CCDC60: variants seen among roughly 807,000 people sequenced by gnomAD.
The protein encoded by CCDC60 is coiled-coil domain containing 60.
CCDC60 carries 54 observed loss-of-function variants against 63.5 expected under a neutral mutation model. The observed-to-expected ratio is 0.85, with a 90% CI of 0.68 to 1.07. The LOEUF is 1.07. CCDC60 is among the 50% of genes least tolerant of loss of function. CCDC60 has a pLI of 0.00. For missense variants in CCDC60, 651 were observed against 684.3 expected, an observed-to-expected ratio of 0.95 and a Z score of 0.54; for synonymous variants, 206 against 238.8, an observed-to-expected ratio of 0.86 and a Z score of 1.27.
intron 1 of CCDC60, among the ~76,000 whole-genome samples, chr12:119,408,670 C>T (rs1956537915): frequency 6.6e-6 from 1 of 151,884 alleles, no homozygotes; most frequent in Non-Finnish European, 1.5e-5. Flanking sequence ...AAAAAAAATA[C>T]AAAAAATTAG....
intron 7 of CCDC60, among the ~76,000 whole-genome samples, chr12:119,510,621 T>G (rs778644761): frequency 7.2e-5 from 11 of 152,188 alleles, no homozygotes; most frequent in Non-Finnish European, 5.9e-5. Context: ...AAAAGCTTAT[T>G]TTTTGTACAG....
intron 1 of CCDC60, among the ~76,000 whole-genome samples, chr12:119,360,910 G>C (rs1168085927): frequency 1.3e-5 from 2 of 152,152 alleles, no homozygotes; most frequent in African/African-American, 4.8e-5. Context: ...GAGGCTGGCG[G>C]ATCACTCGCG....
At chr12:119,371,077 G>GCCCTGGA (rs1352841896) in intron 1 of CCDC60, among the ~76,000 whole-genome samples, 1 of 152,064 alleles carries the variant, frequency 6.6e-6, no homozygotes, top group Non-Finnish European at 1.5e-5. Flanking sequence ...ATCACCCTGG[G>GCCCTGGA]CCCTGGACCC....
At chr12:119,438,899 T>C (rs1049571828) in intron 2 of CCDC60, among the ~76,000 whole-genome samples, 33 of 152,036 alleles carry the variant, frequency 2.2e-4, no homozygotes, top group African/African-American at 8.0e-4. Context: ...TGAGATAATG[T>C]ACATAAAAAC....
At chr12:119,493,561 A>G (rs561821919) in intron 5 of CCDC60, among the ~76,000 whole-genome samples, 2 of 152,170 alleles carry the variant, frequency 1.3e-5, no homozygotes, top group African/African-American at 2.4e-5. Context: ...CAACTTCCCA[A>G]TTTCATCATG....
intron 1 of CCDC60, among the ~76,000 whole-genome samples, chr12:119,407,930 A>G (rs184210171): frequency 1.4e-3 from 211 of 152,348 alleles, no homozygotes; most frequent in Non-Finnish European, 2.7e-3. Context: ...TTTACAACCA[A>G]GTCATGCCCA....
intron 2 of CCDC60, among the ~76,000 whole-genome samples, chr12:119,458,377 G>A (rs550081827): frequency 6.6e-6 from 1 of 152,288 alleles, no homozygotes; most frequent in Non-Finnish European, 1.5e-5. Flanking sequence ...GCTGGAAAAT[G>A]TAAGTGAAAA....
chr12:119,469,563 T>C (rs1022683976), intron 2 of CCDC60, among the ~76,000 whole-genome samples: 2 of 152,186 alleles, frequency 1.3e-5, no homozygotes, highest in African/African-American at 4.8e-5. Flanking sequence ...CCAAGCCTAC[T>C]TCCTTGATTT....
intron 1 of CCDC60, among the ~76,000 whole-genome samples, chr12:119,398,004 GAT>G (rs1956302825): frequency 2.5e-5 from 1 of 40,078 alleles, no homozygotes; most frequent in African/African-American, 1.1e-4. Context: ...GGTGTGGGGG[GAT>G]GGGAGGAAGG....
intron 1 of CCDC60, among the ~76,000 whole-genome samples, chr12:119,390,454 A>C (rs1285510254): frequency 6.6e-6 from 1 of 152,228 alleles, no homozygotes; most frequent in Non-Finnish European, 1.5e-5. Flanking sequence ...TTACAGTCAC[A>C]GCCCCAGTGC....
chr12:119,418,690 C>T (rs989484071), intron 1 of CCDC60, among the ~76,000 whole-genome samples: 3 of 152,106 alleles, frequency 2.0e-5, no homozygotes, highest in African/African-American at 7.2e-5. Context: ...GCTGGGATTA[C>T]AGGCGTGAGC....
chr12:119,414,918 C>A (rs1301534348), intron 1 of CCDC60, among the ~76,000 whole-genome samples: 2 of 152,184 alleles, frequency 1.3e-5, no homozygotes, highest in Admixed American at 6.5e-5. Context: ...AATTGTGTAA[C>A]CTTGAACAAC....
At chr12:119,515,549 G>A (rs1371631654) in intron 7 of CCDC60, among the ~76,000 whole-genome samples, 2 of 151,814 alleles carry the variant, frequency 1.3e-5, no homozygotes, top group East Asian at 1.9e-4. Flanking sequence ...GGCTGGCCTC[G>A]AACTCCTGAA....
chr12:119,510,861 C>A (rs1444313452), intron 7 of CCDC60, among the ~76,000 whole-genome samples: 1 of 152,218 alleles, frequency 6.6e-6, no homozygotes, highest in Non-Finnish European at 1.5e-5. Flanking sequence ...GAGCCCCATA[C>A]CACACTTCTA....
intron 2 of CCDC60, among the ~76,000 whole-genome samples, chr12:119,446,842 A>G (rs1360462827): frequency 1.3e-5 from 2 of 152,172 alleles, no homozygotes; most frequent in African/African-American, 2.4e-5. Context: ...CAATAATCAG[A>G]TTTTTAAAAA....
At chr12:119,463,780 T>A (rs757232300) in intron 2 of CCDC60, among the ~76,000 whole-genome samples, 7 of 152,260 alleles carry the variant, frequency 4.6e-5, no homozygotes, top group Non-Finnish European at 1.0e-4. Flanking sequence ...TCTGTTCTTA[T>A]GGCCCTGCAC....
At chr12:119,402,779 G>T (rs1449159367) in intron 1 of CCDC60, among the ~76,000 whole-genome samples, 2 of 152,162 alleles carry the variant, frequency 1.3e-5, no homozygotes, top group African/African-American at 2.4e-5. Flanking sequence ...ATCTCCCATG[G>T]ATTTTGGTTT....
At chr12:119,348,225 A>G (rs1297020665) in intron 1 of CCDC60, among the ~76,000 whole-genome samples, 1 of 152,184 alleles carries the variant, frequency 6.6e-6, no homozygotes, top group African/African-American at 2.4e-5. Flanking sequence ...AATTTGAGAC[A>G]CCGTGAATAT....
chr12:119,488,949 C>G (rs1951520067), intron 5 of CCDC60, 83 bp downstream of exon 5: 2 of 1,164,544 alleles, frequency 1.7e-6, no homozygotes, highest in Non-Finnish European at 2.6e-6. Flanking sequence ...CTTCCACTCC[C>G]TTTGCTGTTT....
Sources: allele counts gnomAD v4.1 joint callset (sites outside exome capture counted in the v4.1 genomes callset), GRCh38; gene constraint gnomAD v4.1.1; transcripts MANE v1.5; gene names NCBI Gene and HGNC (gene_info 2026-07-23, HGNC 2026-07-21).